The following AIG1 variants were observed in gnomAD, a reference collection of about 807,000 sequenced individuals.
AIG1 encodes androgen induced 1.
A neutral mutation model predicts 31.4 loss-of-function variants in AIG1; 23 were observed. The ratio of observed to expected loss-of-function variants is 0.73; its 90% confidence interval spans 0.53 to 1.04. The LOEUF (loss-of-function observed/expected upper bound fraction) is 1.04, where lower values mean the gene tolerates loss of function less well. AIG1 is among the 50% of genes least tolerant of loss of function. AIG1 has a pLI of 0.00. For synonymous variants in AIG1, 100 were observed against 110.5 expected (o/e 0.90, Z 0.60); for missense variants, 274 against 295.0 (o/e 0.93, Z 0.52).
chr6:143,207,056 C>A (rs1323265445), intron 3 of AIG1, among the ~76,000 whole-genome samples: 1 of 151,962 alleles, frequency 6.6e-6, no homozygotes, highest in Non-Finnish European at 1.5e-5. Flanking sequence ...AGGTGCTGTC[C>A]CTGTATCTAT....
chr6:143,124,077 A>G (rs958633639), intron 1 of AIG1, among the ~76,000 whole-genome samples: 2 of 152,234 alleles, frequency 1.3e-5, no homozygotes, highest in African/African-American at 4.8e-5. Flanking sequence ...CAGCAATGCT[A>G]CTAAAAATCA....
rs1175860357 is a variant in AIG1 at position 143,331,222 on chromosome 6, G to A, written c.516-2060G>A. 1.3e-5 allele frequency among the ~76,000 whole-genome samples: 2 copies of A among 151,532 alleles called. No homozygotes were observed. Among genetic ancestry groups the A allele is most frequent in the Non-Finnish European group, 1.5e-5 (1 of 67,940 alleles). ...ACATAACATAATATTTGTCATTTTA[G>A]CTATTTGCAAGTATACTATTTAATG... On this transcript the variant is annotated intron_variant, in intron 4 of 5. Transcript: ENST00000357847. This position sits in a 1 kb window ranked among gnomAD's most constrained non-coding sequence, Gnocchi z 4.1.
At chr6:143,231,595 C>A (rs1793453241) in intron 3 of AIG1, among the ~76,000 whole-genome samples, 1 of 152,132 alleles carries the variant, frequency 6.6e-6, no homozygotes, top group Admixed American at 6.5e-5. Context: ...CAATGCAAAC[C>A]AGATTAAACA....
Position 143,078,577 on chromosome 6 carries a change from G to A in AIG1, c.141+17511G>A, listed in dbSNP as rs542958859. ...ACATGGCTGGGGAGGCCTCACAATC[G>A]TGGTGGAAGGCAAAAGGCATGTCTT... On this transcript the variant is annotated intron_variant, in intron 1 of 5. Coordinates refer to ENST00000357847, the MANE Select transcript of AIG1 (RefSeq NM_016108.4). 6.4e-4 allele frequency among the ~76,000 whole-genome samples: 97 copies of A among 152,280 alleles called. 1 individual carries two copies. Among genetic ancestry groups the A allele is most frequent in the African/African-American group, 2.1e-3 (86 of 41,550 alleles).
chr6:143,115,022 T>C (rs1034990236), intron 1 of AIG1, among the ~76,000 whole-genome samples: 10 of 152,226 alleles, frequency 6.6e-5, no homozygotes, highest in Admixed American at 2.0e-4. Flanking sequence ...ATCGTGAGCA[T>C]TTTCTCAAGT....
At chr6:143,245,043 G>T (rs1264459109) in intron 3 of AIG1, among the ~76,000 whole-genome samples, 1 of 152,210 alleles carries the variant, frequency 6.6e-6, no homozygotes, top group Non-Finnish European at 1.5e-5. Flanking sequence ...CATCATTAAG[G>T]ATCAGCAGCC....
In AIG1 at chr6:143,203,727, C is replaced by G. The variant is rs9399428; in HGVS notation, c.399+38544C>G. ...ATAAAATGAATATCCTTGGTTGGAT[C>G]CATGAGCCATATCCCTTGAGATGCT... On this transcript the variant is annotated intron_variant, in intron 3 of 5. Coordinates refer to ENST00000357847, the MANE Select transcript of AIG1 (RefSeq NM_016108.4). 3.1e-3 allele frequency among the ~76,000 whole-genome samples: 473 copies of G among 152,230 alleles called. 9 individuals are homozygous for G. In the East Asian group the frequency reaches 0.064, roughly 21 times the overall value.
rs1253467026 is a variant in AIG1 at position 143,159,788 on chromosome 6, CA to C, written c.298-5293del. On this transcript the variant is annotated intron_variant, in intron 2 of 5. Coordinates refer to ENST00000357847, the MANE Select transcript of AIG1 (RefSeq NM_016108.4). ...CAAGGGCTGTGCTGAAGGAGACATT[CA>C]CTCTTTGCATGGGGGCCATCAGAGA... Among the ~76,000 whole-genome samples, 5 of 152,304 alleles carry C rather than the reference CA, an allele frequency of 3.3e-5. No homozygotes were observed. In the East Asian group the frequency reaches 9.6e-4, roughly 29 times the overall value.
At chr6:143,261,258 A>G (rs565420131) in intron 3 of AIG1, among the ~76,000 whole-genome samples, 6 of 152,204 alleles carry the variant, frequency 3.9e-5, no homozygotes, top group East Asian at 3.9e-4. Context: ...CAGCCTCCCA[A>G]CTAGCTGGGA....
At chr6:143,249,546 A>G (rs1308551572) in intron 3 of AIG1, among the ~76,000 whole-genome samples, 6 of 152,190 alleles carry the variant, frequency 3.9e-5, no homozygotes, top group Non-Finnish European at 8.8e-5. Context: ...TGGAAAGCCA[A>G]TAACAACTTA....
intron 3 of AIG1, among the ~76,000 whole-genome samples, chr6:143,213,843 A>T (rs1791795167): frequency 6.6e-6 from 1 of 151,936 alleles, no homozygotes; most frequent in African/African-American, 2.4e-5. Context: ...AGAAGACAAC[A>T]ATCTATGAGA....
At chr6:143,190,196 A>G in intron 3 of AIG1, 1 of 983,714 alleles carries the variant, frequency 1.0e-6, no homozygotes, top group Non-Finnish European at 1.2e-6. Context: ...AGGATGAGAA[A>G]AAGAAAGGAA....
chr6:143,236,412 G>A (rs1351236015), intron 3 of AIG1, among the ~76,000 whole-genome samples: 3 of 152,248 alleles, frequency 2.0e-5, no homozygotes, highest in Non-Finnish European at 2.9e-5. Flanking sequence ...AGTCTTTGGT[G>A]TCCCTTCACA....
In AIG1 at chr6:143,258,859, T is replaced by C. The variant is rs1320807249; in HGVS notation, c.400-25251T>C. ...ATGGACCCTCATGAATAGATGGATGTCCTCGTGCAGGAATGGATTAGTTAC... is the reference window on the plus strand; with the variant it reads ...ATGGACCCTCATGAATAGATGGATGCCCTCGTGCAGGAATGGATTAGTTAC... On this transcript the variant is annotated intron_variant, in intron 3 of 5. Coordinates refer to ENST00000357847, the MANE Select transcript of AIG1 (RefSeq NM_016108.4). The surrounding 1 kb of genome is among the most constrained non-coding windows in gnomAD (Gnocchi z 4.7). 6.6e-6 allele frequency among the ~76,000 whole-genome samples: 1 copy of C among 152,194 alleles called. No homozygotes were observed. The highest frequency in any genetic ancestry group is 2.1e-4 in the South Asian group (1 of 4,828).
At chr6:143,343,137 T>C, downstream of AIG1, 1 of 756,772 alleles carries the variant, frequency 1.3e-6, no homozygotes, top group African/African-American at 1.7e-5. Flanking sequence ...GGCTTGCCAT[T>C]ATTTACTTCC....
chr6:143,265,722 T>G (rs950114123), intron 3 of AIG1, among the ~76,000 whole-genome samples: 1 of 152,206 alleles, frequency 6.6e-6, no homozygotes, highest in Non-Finnish European at 1.5e-5. Flanking sequence ...GAGACCCTGA[T>G]AGAAAGAACT....
chr6:143,143,332 T>TA (rs555854641), intron 2 of AIG1, among the ~76,000 whole-genome samples: 2,011 of 143,116 alleles, frequency 0.014, 42 homozygotes, highest in African/African-American at 0.045. Context: ...CCATCTCTAC[T>TA]AAAAAAAAAA....
chr6:143,250,561 C>T (rs1794938650), intron 3 of AIG1, among the ~76,000 whole-genome samples: 1 of 152,088 alleles, frequency 6.6e-6, no homozygotes, highest in Non-Finnish European at 1.5e-5. Flanking sequence ...TCTGGATTAC[C>T]TGGGTGGGCC....
At chr6:143,074,122 T>G (rs1208019738) in intron 1 of AIG1, among the ~76,000 whole-genome samples, 1 of 152,266 alleles carries the variant, frequency 6.6e-6, no homozygotes, top group Non-Finnish European at 1.5e-5. Context: ...GCATCAGTTC[T>G]TTATGAATTT....
Sources: allele counts gnomAD v4.1 joint callset (sites outside exome capture counted in the v4.1 genomes callset), GRCh38; gene constraint gnomAD v4.1.1; non-coding constraint Gnocchi (gnomAD v3.1); transcripts MANE v1.5; gene names NCBI Gene and HGNC (gene_info 2026-07-23, HGNC 2026-07-21).